Variants in RANBP17 observed in about 807,000 individuals in gnomAD.
RANBP17 encodes the protein RAN binding protein 17, also known as ran-binding protein 17.
Under a neutral mutation model 141.2 loss-of-function variants are expected in RANBP17, and 158 were observed. The observed-to-expected ratio is 1.12, with a 90% CI of 0.98 to 1.28. The LOEUF (loss-of-function observed/expected upper bound fraction) is 1.28, where lower values mean the gene tolerates loss of function less well. Ranked by LOEUF, RANBP17 falls within the 50% of genes most tolerant of loss-of-function variation. The pLI is 0.00. For synonymous variants in RANBP17, 430 were observed against 450.0 expected, an observed-to-expected ratio of 0.96 and a Z score of 0.56; for missense variants, 1,438 against 1,290.7, an observed-to-expected ratio of 1.11 and a Z score of -1.75.
At chr5:171,034,077 A>T (rs1781718502) in intron 14 of RANBP17, among the ~76,000 whole-genome samples, 2 of 152,164 alleles carry the variant, frequency 1.3e-5, no homozygotes, top group African/African-American at 4.8e-5. Context: ...GGGCCACTGC[A>T]GCCCAGCCTG....
chr5:170,911,151 G>A lies in RANBP17; in HGVS notation c.760+17G>A, dbSNP rs766122537. The A allele has an allele frequency of 5.6e-6, 9 of 1,608,622 alleles. No homozygotes were observed. Among genetic ancestry groups the A allele is most frequent in the Non-Finnish European group, 7.7e-6 (9 of 1,176,250 alleles). On this transcript the variant is annotated intron_variant, in intron 7 of 27. Transcript: ENST00000523189. ...GGAGAACAAGTAAGAAAAAACTTTG[G>A]TATGAAGGGTCATCAACATAAAGGC...
chr5:171,078,384 G>A (rs565875701), intron 14 of RANBP17, among the ~76,000 whole-genome samples: 11 of 152,218 alleles, frequency 7.2e-5, no homozygotes, highest in African/African-American at 2.6e-4. Context: ...TCAAACTCCT[G>A]ACATCAAGTA....
chr5:171,187,047 C>T (rs995707382), intron 18 of RANBP17, among the ~76,000 whole-genome samples: 5 of 152,088 alleles, frequency 3.3e-5, no homozygotes, highest in Non-Finnish European at 7.4e-5. Flanking sequence ...AAGTGAGAGA[C>T]GTGTAACTCT....
chr5:171,058,318 C>G (rs780095917), intron 14 of RANBP17, among the ~76,000 whole-genome samples: 6 of 108,930 alleles, frequency 5.5e-5, no homozygotes, highest in Non-Finnish European at 1.1e-4. Context: ...CCCCTCCCCC[C>G]ACCCCACAAC....
chr5:171,220,543 G>C (rs1012242683), intron 21 of RANBP17, among the ~76,000 whole-genome samples: 8 of 148,036 alleles, frequency 5.4e-5, no homozygotes, highest in African/African-American at 1.8e-4. Flanking sequence ...CCACCTCCCA[G>C]GTTCAAGTGA....
At chr5:170,932,323 T>G (rs975166956) in intron 12 of RANBP17, among the ~76,000 whole-genome samples, 2 of 152,322 alleles carry the variant, frequency 1.3e-5, no homozygotes, top group African/African-American at 4.8e-5. Flanking sequence ...ACAGTGGGGT[T>G]TTCTAAATAT....
At chr5:171,144,481 C>G (rs1349188332) in intron 14 of RANBP17, among the ~76,000 whole-genome samples, 2 of 152,120 alleles carry the variant, frequency 1.3e-5, no homozygotes, top group African/African-American at 4.8e-5. Flanking sequence ...AAGAATTATT[C>G]TGGTGGCAGT....
chr5:171,214,887 G>A (rs1051842500), intron 21 of RANBP17, among the ~76,000 whole-genome samples: 1 of 151,856 alleles, frequency 6.6e-6, no homozygotes, highest in Non-Finnish European at 1.5e-5. Context: ...ACAGGCAGAT[G>A]ATTTTTTTTT....
chr5:171,026,944 C>G (rs1781270937), intron 14 of RANBP17, among the ~76,000 whole-genome samples: 1 of 152,134 alleles, frequency 6.6e-6, no homozygotes, highest in South Asian at 2.1e-4. Flanking sequence ...TGAGCTCCAC[C>G]TCCTGTCAGC....
chr5:170,913,722 TA>T (rs1771719429), intron 7 of RANBP17, among the ~76,000 whole-genome samples: 1 of 151,922 alleles, frequency 6.6e-6, no homozygotes. Flanking sequence ...ATGTCTAAAG[TA>T]AAACAATCAA....
At chr5:171,087,278 G>A (rs1236900266) in intron 14 of RANBP17, among the ~76,000 whole-genome samples, 1 of 152,162 alleles carries the variant, frequency 6.6e-6, no homozygotes, top group African/African-American at 2.4e-5. Context: ...GCAGCTTTGA[G>A]TGGGATTCTT....
chr5:171,246,238 A>G (rs1765210412), intron 24 of RANBP17, among the ~76,000 whole-genome samples: 1 of 152,158 alleles, frequency 6.6e-6, no homozygotes, highest in Admixed American at 6.5e-5. Context: ...ACTCCCTTGG[A>G]GAGCTGTAGA....
chr5:171,293,807 G>T lies in RANBP17; in HGVS notation c.2944-76G>T, dbSNP rs1247239048. The T allele has an allele frequency of 5.7e-6, 6 of 1,051,390 alleles. No homozygotes were observed. In the African/African-American group the frequency reaches 9.4e-5, roughly 16 times the overall value. 65.1% of individuals were successfully genotyped at this position (1,051,390 alleles called of 1,614,324 possible). A position where few individuals can be genotyped will look rare whatever the true frequency, so the allele number is the denominator to read the frequency against. On this transcript the variant is annotated intron_variant, in intron 25 of 27. Coordinates refer to ENST00000523189, the MANE Select transcript of RANBP17 (RefSeq NM_022897.5). ...TTAGCAAGATGGAGGGGTGGAATCT[G>T]AGCACATGAAAGGCCTGGGATTAGG... is the stretch of plus-strand genomic sequence containing the variant.
chr5:170,964,718 G>A (rs1399445592), intron 13 of RANBP17, among the ~76,000 whole-genome samples: 3 of 152,144 alleles, frequency 2.0e-5, no homozygotes, highest in African/African-American at 7.2e-5. Flanking sequence ...CCCTACAAAG[G>A]ACATGAACTC....
intron 19 of RANBP17, among the ~76,000 whole-genome samples, chr5:171,201,708 A>G (rs554519005): frequency 2.0e-5 from 3 of 152,358 alleles, no homozygotes; most frequent in South Asian, 4.1e-4. Flanking sequence ...TCTAATTTGT[A>G]TAAAGAAAAC....
chr5:170,936,481 C>T (rs1174889448), intron 12 of RANBP17, among the ~76,000 whole-genome samples: 2 of 151,836 alleles, frequency 1.3e-5, no homozygotes, highest in Non-Finnish European at 2.9e-5. Context: ...TTTCTTTGTT[C>T]TTTGTGATTT....
chr5:170,918,687 G>T, intron 9 of RANBP17, 26 bp from the exon 10 acceptor site: 1 of 1,572,986 alleles, frequency 6.4e-7, no homozygotes, highest in Non-Finnish European at 8.6e-7. Flanking sequence ...TTGTTTTTAA[G>T]CCTTTCTTTT....
chr5:171,075,214 A>G (rs1461977471), intron 14 of RANBP17, among the ~76,000 whole-genome samples: 1 of 152,174 alleles, frequency 6.6e-6, no homozygotes, highest in Non-Finnish European at 1.5e-5. Context: ...CTTTCTTTCT[A>G]ATATGATAAT....
At chr5:171,077,600 CTG>C (rs1303430604) in intron 14 of RANBP17, among the ~76,000 whole-genome samples, 2 of 152,086 alleles carry the variant, frequency 1.3e-5, no homozygotes, top group African/African-American at 2.4e-5. Context: ...AAACTAATAA[CTG>C]TGGTTTCTAA....
Sources: allele counts gnomAD v4.1 joint callset (sites outside exome capture counted in the v4.1 genomes callset), GRCh38; gene constraint gnomAD v4.1.1; transcripts MANE v1.5; gene names NCBI Gene and HGNC (gene_info 2026-07-23, HGNC 2026-07-21).